Variants in RAB11FIP2 observed in about 807,000 individuals in gnomAD.
RAB11FIP2 encodes the protein RAB11 family interacting protein 2, also known as rab11 family-interacting protein 2.
A neutral mutation model predicts 40.9 loss-of-function variants in RAB11FIP2; 16 were observed. That is an observed-to-expected ratio of 0.39 (90% confidence interval 0.26 to 0.59). The LOEUF (loss-of-function observed/expected upper bound fraction) is 0.59. RAB11FIP2 is among the 20% of genes least tolerant of loss of function. The pLI is 0.53. For synonymous variants in RAB11FIP2, 228 were observed against 213.7 expected, an observed-to-expected ratio of 1.07 and a Z score of -0.58; for missense variants, 532 against 606.2, an observed-to-expected ratio of 0.88 and a Z score of 1.28.
intron 3 of RAB11FIP2, among the ~76,000 whole-genome samples, chr10:118,016,205 G>A (rs935394166): frequency 6.6e-6 from 1 of 152,186 alleles, no homozygotes; most frequent in African/African-American, 2.4e-5. Flanking sequence ...TGAAGTACTA[G>A]CTTCCAGAAG....
Position 118,046,239 on chromosome 10 carries a change from T to G in RAB11FIP2, c.-76A>C. On this transcript the variant is annotated 5_prime_UTR_variant, in exon 1 of 5. It removes the in-frame stop codon of an upstream open reading frame in the 5' UTR. Coordinates refer to ENST00000355624, the MANE Select transcript of RAB11FIP2 (RefSeq NM_014904.3). ...CCGGAGGGAGAGCCTAATTCCTTAA[T>G]CACTGCATCCTAAGGACACTTAACG... 1 of 1,224,394 alleles carries G rather than the reference T, an allele frequency of 8.2e-7. No individual in the cohort carries two copies. The highest frequency in any genetic ancestry group is 1.9e-5 in the Admixed American group (1 of 52,736). 75.8% of individuals were successfully genotyped at this position (1,224,394 alleles called of 1,614,324 possible). A position where few individuals can be genotyped will look rare whatever the true frequency, so the allele number is the denominator to read the frequency against.
At chr10:118,033,949 T>G in intron 3 of RAB11FIP2, 1 of 701,502 alleles carries the variant, frequency 1.4e-6, no homozygotes. Context: ...GGCCTTCCAC[T>G]TGCATGCAGA....
In RAB11FIP2 at chr10:118,039,076, T is replaced by C. The variant is rs756410843; in HGVS notation, c.1161A>G (p.Lys387=). 9 of 1,613,500 alleles carry C rather than the reference T, an allele frequency of 5.6e-6. 1 individual carries two copies. The South Asian group carries it at 9.9e-5, about 18-fold the overall frequency. The part of the protein sequence containing the change: ...NGGSDSPCDL[K]SPNAFSENRQ... ...GATTTTCACTAAATGCATTAGGTGA[T>C]TTCAAGTCACAAGGGCTATCAGATC... Residue 387 remains lysine (K), a synonymous_variant, in exon 3 of 5, where the codon AAA becomes AAG. Transcript: ENST00000355624.
At chr10:118,044,201 C>T (rs1323504746) in intron 1 of RAB11FIP2, among the ~76,000 whole-genome samples, 1 of 152,178 alleles carries the variant, frequency 6.6e-6, no homozygotes, top group Non-Finnish European at 1.5e-5. Flanking sequence ...TTATTTCATC[C>T]TCAGACTCCT....
intron 1 of RAB11FIP2, among the ~76,000 whole-genome samples, chr10:118,041,038 T>C (rs1291167696): frequency 6.6e-6 from 1 of 152,080 alleles, no homozygotes; most frequent in Non-Finnish European, 1.5e-5. Context: ...AATAAATACC[T>C]GGCCCCATCC....
chr10:118,025,935 T>G (rs1379918748), intron 3 of RAB11FIP2, among the ~76,000 whole-genome samples: 1 of 152,226 alleles, frequency 6.6e-6, no homozygotes, highest in Non-Finnish European at 1.5e-5. Flanking sequence ...GGACAGTTAT[T>G]TACAACTAGG....
At position 118,039,442 on chromosome 10, in the gene RAB11FIP2, TACAA is replaced by T. The variant is rs751401925; in HGVS notation, c.797-6_797-3del. On this transcript the variant is annotated splice_polypyrimidine_tract_variant and splice_region_variant and intron_variant, in intron 2 of 4. Coordinates refer to ENST00000355624, the MANE Select transcript of RAB11FIP2 (RefSeq NM_014904.3). ...TTCTGTGTGGAGATTTGAGACTTCC[TACAA>T]ACAATTTTGTAGTTAGTACATAATC... 23 of 1,606,038 alleles carry T rather than the reference TACAA, an allele frequency of 1.4e-5. No individual in the cohort carries two copies. The highest frequency in any genetic ancestry group is 3.4e-5 in the Admixed American group (2 of 59,632).
intron 2 of RAB11FIP2, 126 bp from the exon 3 acceptor site, chr10:118,039,566 A>C (rs1227530445): frequency 1.7e-5 from 14 of 806,900 alleles, no homozygotes; most frequent in Non-Finnish European, 2.7e-5. Context: ...ATTAACCTTC[A>C]AAAAATCAAG....
In RAB11FIP2 at chr10:118,046,512, G is replaced by C. The variant is rs985186694; in HGVS notation, c.-349C>G. 8.3e-5 allele frequency: 5 copies of C among 60,358 alleles called. No homozygotes were observed. In the African/African-American group the frequency reaches 2.4e-3, roughly 29 times the overall value. 3.7% of individuals were successfully genotyped at this position (60,358 alleles called of 1,614,324 possible). ...CCGGGCGGAGGGCTGCGGGGGTGAA[G>C]GGAGCCCCCGCCCCAATTCTGCACC... On this transcript the variant is annotated 5_prime_UTR_variant, in exon 1 of 5. Coordinates refer to ENST00000355624, the MANE Select transcript of RAB11FIP2 (RefSeq NM_014904.3).
At chr10:118,038,849 A>G in intron 3 of RAB11FIP2, 123 bp downstream of exon 3, 1 of 736,338 alleles carries the variant, frequency 1.4e-6, no homozygotes, top group Middle Eastern at 4.0e-4. Flanking sequence ...AATTATACAA[A>G]TAAAAATGTT....
chr10:118,030,485 C>T (rs959957453), intron 3 of RAB11FIP2, among the ~76,000 whole-genome samples: 8 of 152,112 alleles, frequency 5.3e-5, no homozygotes, highest in Non-Finnish European at 1.2e-4. Flanking sequence ...TACCCGTCTC[C>T]TGTCTCAGAG....
intron 3 of RAB11FIP2, among the ~76,000 whole-genome samples, chr10:118,016,358 TAAC>T (rs1211467561): frequency 1.3e-5 from 2 of 152,174 alleles, no homozygotes; most frequent in East Asian, 3.9e-4. Context: ...CACATTTTCT[TAAC>T]ATCTTTATGG....
At chr10:118,041,424 T>C (rs929593411) in intron 1 of RAB11FIP2, among the ~76,000 whole-genome samples, 1 of 152,288 alleles carries the variant, frequency 6.6e-6, no homozygotes, top group African/African-American at 2.4e-5. Context: ...AAGCAATATT[T>C]TGGTTTTATA....
Position 118,006,492 on chromosome 10 carries a change from A to T in RAB11FIP2, c.*2506T>A, listed in dbSNP as rs1235669475. ...AAAATACATTAGAATACCTAAAGTT[A>T]TGTTTTGGAAAAATAAACTAAGGTG... On this transcript the variant is annotated 3_prime_UTR_variant, in exon 5 of 5. Coordinates refer to ENST00000355624, the MANE Select transcript of RAB11FIP2 (RefSeq NM_014904.3). The T allele has an allele frequency of 6.6e-6, 1 of 152,134 alleles. No individual in the cohort carries two copies. The highest frequency in any genetic ancestry group is 1.9e-4 in the East Asian group (1 of 5,198). 9.4% of individuals were successfully genotyped at this position (152,134 alleles called of 1,614,324 possible). A position where few individuals can be genotyped will look rare whatever the true frequency, so the allele number is the denominator to read the frequency against.
At chr10:118,031,856 T>C (rs1046875648) in intron 3 of RAB11FIP2, among the ~76,000 whole-genome samples, 1 of 152,082 alleles carries the variant, frequency 6.6e-6, no homozygotes, top group Non-Finnish European at 1.5e-5. Flanking sequence ...ACTACCACAG[T>C]AGAGCAGAAA....
rs1019470980 is a variant in RAB11FIP2 at position 118,007,756 on chromosome 10, G to C, written c.*1242C>G. 1.3e-5 allele frequency: 2 copies of C among 152,054 alleles called. No individual in the cohort carries two copies. Among genetic ancestry groups the C allele is most frequent in the African/African-American group, 2.4e-5 (1 of 41,422 alleles). 9.4% of individuals were successfully genotyped at this position (152,054 alleles called of 1,614,324 possible). A position where few individuals can be genotyped will look rare whatever the true frequency, so the allele number is the denominator to read the frequency against. ...TAAAAATAATCCATGGAAGAAATCA[G>C]TATTTTGGGGGAGTGGACTTTAAAA... On this transcript the variant is annotated 3_prime_UTR_variant, in exon 5 of 5. Coordinates refer to ENST00000355624, the MANE Select transcript of RAB11FIP2 (RefSeq NM_014904.3).
intron 3 of RAB11FIP2, among the ~76,000 whole-genome samples, chr10:118,035,621 T>C (rs180883854): frequency 1.3e-5 from 2 of 152,242 alleles, no homozygotes; most frequent in African/African-American, 4.8e-5. Flanking sequence ...ATTCAAAATA[T>C]CTAATACCTG....
At chr10:118,026,750 T>G (rs917808671) in intron 3 of RAB11FIP2, among the ~76,000 whole-genome samples, 12 of 152,380 alleles carry the variant, frequency 7.9e-5, no homozygotes, top group African/African-American at 2.4e-4. Context: ...AAAGAATTTC[T>G]GAACATAAGA....
intron 3 of RAB11FIP2, among the ~76,000 whole-genome samples, chr10:118,029,610 C>T (rs1392572034): frequency 2.0e-5 from 3 of 151,658 alleles, no homozygotes; most frequent in African/African-American, 7.3e-5. Flanking sequence ...GCAAATATTC[C>T]AAAAATAATA....
Sources: allele counts gnomAD v4.1 joint callset (sites outside exome capture counted in the v4.1 genomes callset), GRCh38; gene constraint gnomAD v4.1.1; transcripts MANE v1.5; gene names NCBI Gene and HGNC (gene_info 2026-07-23, HGNC 2026-07-21).